DOCK5: variants seen among roughly 807,000 people sequenced by gnomAD.
DOCK5 encodes dedicator of cytokinesis 5, also known as dedicator of cytokinesis protein 5.
DOCK5 carries 142 observed loss-of-function variants against 251.8 expected under a neutral mutation model. The observed-to-expected ratio is 0.56, with a 90% CI of 0.49 to 0.65. The LOEUF is 0.65. Ranked by LOEUF, DOCK5 falls within the 30% of genes least tolerant of loss-of-function variation. The probability of loss-of-function intolerance (pLI) is 0.00; values close to 1 mark genes in which losing one functional copy is unlikely to be tolerated. For synonymous variants in DOCK5, 842 were observed against 835.5 expected (o/e 1.01, Z -0.13); for missense variants, 2,111 against 2,312.3 (o/e 0.91, Z 1.79).
At chr8:25,318,415 CTTCT>C (rs1238408095) in intron 14 of DOCK5, among the ~76,000 whole-genome samples, 4 of 151,842 alleles carry the variant, frequency 2.6e-5, no homozygotes, top group Non-Finnish European at 5.9e-5. Flanking sequence ...ACTTTACTTT[CTTCT>C]TTCTTTTCTT....
At chr8:25,231,742 C>G (rs1203460713) in intron 1 of DOCK5, among the ~76,000 whole-genome samples, 1 of 152,124 alleles carries the variant, frequency 6.6e-6, no homozygotes, top group African/African-American at 2.4e-5. Context: ...GCGATTCAAG[C>G]AGATATCTTT....
chr8:25,194,772 C>T (rs75280743), intron 1 of DOCK5, among the ~76,000 whole-genome samples: 1,854 of 152,260 alleles, frequency 0.012, 38 homozygotes, highest in African/African-American at 0.042. Flanking sequence ...TCCAGTGGCC[C>T]AGGCAGAACA....
chr8:25,369,806 G>A (rs879679685), intron 34 of DOCK5, among the ~76,000 whole-genome samples, 165 bp downstream of exon 34: 9 of 152,176 alleles, frequency 5.9e-5, no homozygotes, highest in Non-Finnish European at 1.2e-4. Context: ...GTCCACAGCT[G>A]ACATTGTTTA....
At chr8:25,378,620 A>G (rs1319978933) in intron 38 of DOCK5, among the ~76,000 whole-genome samples, 1 of 152,200 alleles carries the variant, frequency 6.6e-6, no homozygotes, top group Non-Finnish European at 1.5e-5. Flanking sequence ...AGCTCATGAA[A>G]TACCAAAGGG....
At position 25,389,158 on chromosome 8, in the gene DOCK5, C is replaced by A. The variant is rs377293207; in HGVS notation, c.4199C>A (p.Thr1400Asn). Residue 1400 changes from threonine to asparagine, a missense_variant, in exon 41 of 52, where the codon ACC becomes AAC. By Grantham distance (65) the Thr-to-Asn change is moderately conservative. This residue lies in a region of DOCK5 where 1,717 missense variants were observed against 1,892.4 expected (regional missense o/e 0.91). Transcript: ENST00000276440. Reference sequence around the variant, plus strand: ...GAGGACTTCAGCCTGAGGTTGTTAACCCAGTTCCCCAATGCGGAGAAGATG... The same window carrying A: ...GAGGACTTCAGCCTGAGGTTGTTAAACCAGTTCCCCAATGCGGAGAAGATG... ...RREDFSLRLL[T>N]QFPNAEKMTS... 3 of 1,614,000 alleles carry A rather than the reference C, an allele frequency of 1.9e-6. No homozygotes were observed. The highest frequency in any genetic ancestry group is 2.2e-5 in the East Asian group (1 of 44,876).
At chr8:25,407,735 A>G (rs955824324) in intron 48 of DOCK5, among the ~76,000 whole-genome samples, 1 of 151,804 alleles carries the variant, frequency 6.6e-6, no homozygotes, top group Non-Finnish European at 1.5e-5. Flanking sequence ...TCCCTACTAA[A>G]ACAATACAAA....
intron 2 of DOCK5, among the ~76,000 whole-genome samples, chr8:25,250,560 G>A (rs966078728): frequency 3.6e-4 from 55 of 152,134 alleles, no homozygotes; most frequent in African/African-American, 1.2e-3. Context: ...ATGCCCGGCC[G>A]TGAGGTCATT....
At chr8:25,335,569 T>G (rs978488989) in intron 21 of DOCK5, among the ~76,000 whole-genome samples, 5 of 151,824 alleles carry the variant, frequency 3.3e-5, no homozygotes, top group Non-Finnish European at 5.9e-5. Flanking sequence ...ACTATTATTA[T>G]TATTCTAGGA....
At chr8:25,284,684 G>A (rs1455227736) in intron 5 of DOCK5, among the ~76,000 whole-genome samples, 1 of 152,240 alleles carries the variant, frequency 6.6e-6, no homozygotes, top group South Asian at 2.1e-4. Flanking sequence ...CTAGATGGGC[G>A]GATGCCCATG....
chr8:25,323,798 C>T, intron 16 of DOCK5, 50 bp from the exon 17 acceptor site: 6 of 1,580,452 alleles, frequency 3.8e-6, no homozygotes, highest in Non-Finnish European at 4.3e-6. Context: ...ATAGCCATCG[C>T]CTCCTGGTGT....
At chr8:25,188,037 A>C (rs1236050410) in intron 1 of DOCK5, among the ~76,000 whole-genome samples, 1 of 152,216 alleles carries the variant, frequency 6.6e-6, no homozygotes, top group African/African-American at 2.4e-5. Context: ...ACCAGGTATT[A>C]GTGCATTCAG....
chr8:25,229,385 G>A (rs752073351), intron 1 of DOCK5, among the ~76,000 whole-genome samples: 5 of 152,098 alleles, frequency 3.3e-5, no homozygotes, highest in South Asian at 2.1e-4. Flanking sequence ...TGGAGGTGAG[G>A]CAGGAGAACC....
At chr8:25,375,020 T>A in intron 37 of DOCK5, 1 of 1,081,092 alleles carries the variant, frequency 9.2e-7, no homozygotes, top group South Asian at 2.0e-5. Context: ...ACTCTATTTT[T>A]ATTCTCTCCC....
intron 34 of DOCK5, among the ~76,000 whole-genome samples, chr8:25,372,283 C>T (rs1006114155): frequency 2.0e-5 from 3 of 152,194 alleles, no homozygotes; most frequent in Non-Finnish European, 4.4e-5. Flanking sequence ...ATTGTGTGCT[C>T]AGATTCTAAG....
At chr8:25,259,502 G>A (rs146043444) in intron 2 of DOCK5, among the ~76,000 whole-genome samples, 18 of 151,966 alleles carry the variant, frequency 1.2e-4, no homozygotes, top group Non-Finnish European at 8.8e-5. Context: ...ATCACCTAGG[G>A]TAGAACACAG....
In DOCK5 at chr8:25,264,086, G is replaced by A. The variant is rs181402649; in HGVS notation, c.128-4759G>A. Reference sequence around the variant, plus strand: ...TTGATTCATATATATCATTCGTCTGGGTGCGGTGGCTCATGCCTATAATCC... The same window carrying A: ...TTGATTCATATATATCATTCGTCTGAGTGCGGTGGCTCATGCCTATAATCC... On this transcript the variant is annotated intron_variant, in intron 2 of 51. Transcript: ENST00000276440. Among the ~76,000 whole-genome samples, 434 of 151,968 alleles carry A rather than the reference G, an allele frequency of 2.9e-3. 3 individuals carry two copies. The highest frequency in any genetic ancestry group is 3.2e-3 in the Non-Finnish European group (220 of 68,028).
At chr8:25,337,276 A>G (rs1393894753) in intron 22 of DOCK5, among the ~76,000 whole-genome samples, 1 of 152,150 alleles carries the variant, frequency 6.6e-6, no homozygotes, top group Non-Finnish European at 1.5e-5. Flanking sequence ...TTACCTATAC[A>G]TTTGAAAAAG....
At chr8:25,252,573 G>T (rs1803299091) in intron 2 of DOCK5, among the ~76,000 whole-genome samples, 1 of 152,194 alleles carries the variant, frequency 6.6e-6, no homozygotes, top group Non-Finnish European at 1.5e-5. Flanking sequence ...ATTTTGTTGA[G>T]TGTGCTTGGT....
Position 25,380,323 on chromosome 8 carries a change from A to T in DOCK5, c.3955A>T (p.Lys1319Ter). 1.9e-6 allele frequency: 3 copies of T among 1,611,652 alleles called. No individual in the cohort carries two copies. The highest frequency in any genetic ancestry group is 2.5e-6 in the Non-Finnish European group (3 of 1,178,876). The change falls in exon 39 of 52, where the codon AAG (lysine) becomes TAG (stop). Residue 1319 changes from lysine to a stop codon, truncating the protein, a stop_gained. Transcript: ENST00000276440. LOFTEE classifies it high-confidence loss of function. Reference protein sequence around the residue: ...DKGKMWEKAIKLSKELAETYE... With the variant: ...DKGKMWEKAI The stretch of plus-strand genomic sequence containing the variant: ...TCTGAAGATGTGGGAGAAGGCCATC[A>T]AGCTGAGCAAAGAGTTGGCTGAGAC...
Sources: allele counts gnomAD v4.1 joint callset (sites outside exome capture counted in the v4.1 genomes callset), GRCh38; gene constraint gnomAD v4.1.1; regional missense constraint gnomAD v4.1.1; transcripts MANE v1.5; gene names NCBI Gene and HGNC (gene_info 2026-07-23, HGNC 2026-07-21).